Variants in PDCD6IP observed in about 807,000 individuals in gnomAD.
PDCD6IP encodes programmed cell death 6-interacting protein.
A neutral mutation model predicts 103.7 loss-of-function variants in PDCD6IP; 43 were observed. The ratio of observed to expected loss-of-function variants is 0.41; its 90% CI spans 0.32 to 0.53. The LOEUF (loss-of-function observed/expected upper bound fraction) is 0.53. Ranked by LOEUF, PDCD6IP falls within the 20% of genes least tolerant of loss-of-function variation. The pLI, the probability that PDCD6IP is intolerant of heterozygous loss-of-function variation, is 0.16. For missense variants in PDCD6IP, 871 were observed against 1,036.7 expected (o/e 0.84, Z 2.20); for synonymous variants, 354 against 378.7 (o/e 0.93, Z 0.76).
intron 6 of PDCD6IP, chr3:33,827,269 AAT>A (rs1697148009): frequency 5.6e-6 from 5 of 891,514 alleles, no homozygotes; most frequent in Non-Finnish European, 6.7e-6. Context: ...GATTGAGTGA[AAT>A]ATATGTTTCA....
chr3:33,799,123 A>G, intron 1 of PDCD6IP, 186 bp downstream of exon 1: 1 of 621,054 alleles, frequency 1.6e-6, no homozygotes, highest in Non-Finnish European at 2.8e-6. Flanking sequence ...GCCCGCTGTG[A>G]CTGCCCGCTT....
intron 15 of PDCD6IP, among the ~76,000 whole-genome samples, chr3:33,861,944 G>A (rs59197734): frequency 0.022 from 3,293 of 152,034 alleles, 104 homozygotes; most frequent in African/African-American, 0.074. Context: ...CAGGTTGTTG[G>A]GCATAGTACT....
At chr3:33,846,633 G>A (rs1048269549) in intron 12 of PDCD6IP, among the ~76,000 whole-genome samples, 4 of 152,186 alleles carry the variant, frequency 2.6e-5, no homozygotes, top group African/African-American at 9.7e-5. Context: ...GAGTGGATAG[G>A]CAGAAAAAGT....
intron 3 of PDCD6IP, 87 bp downstream of exon 3, chr3:33,813,715 T>G: frequency 1.3e-6 from 1 of 752,150 alleles, no homozygotes; most frequent in Non-Finnish European, 2.3e-6. Flanking sequence ...TCCTAATGAC[T>G]CTTTGTAAAT....
chr3:33,835,545 G>A (rs1000150528), intron 7 of PDCD6IP, among the ~76,000 whole-genome samples: 11 of 152,202 alleles, frequency 7.2e-5, no homozygotes, highest in Admixed American at 1.3e-4. Flanking sequence ...GATGAAACCC[G>A]ATGTCTACCA....
intron 10 of PDCD6IP, 156 bp from the exon 11 acceptor site, chr3:33,843,956 C>T (rs1353672028): frequency 2.4e-6 from 1 of 421,192 alleles, no homozygotes; most frequent in African/African-American, 2.2e-5. Context: ...TGCATTATAA[C>T]TTAGATGTCT....
At chr3:33,801,928 C>G (rs1212642175) in intron 1 of PDCD6IP, among the ~76,000 whole-genome samples, 1 of 152,168 alleles carries the variant, frequency 6.6e-6, no homozygotes, top group East Asian at 1.9e-4. Context: ...GGTTGGGGAT[C>G]TTAACAATCA....
intron 3 of PDCD6IP, among the ~76,000 whole-genome samples, chr3:33,819,829 T>C (rs1395511366): frequency 6.6e-6 from 1 of 152,252 alleles, no homozygotes; most frequent in Non-Finnish European, 1.5e-5. Flanking sequence ...TGTAGATTCT[T>C]TTTTAAAAGT....
chr3:33,857,698 AATAG>A (rs1432832595), intron 15 of PDCD6IP, among the ~76,000 whole-genome samples: 1 of 152,220 alleles, frequency 6.6e-6, no homozygotes, highest in African/African-American at 2.4e-5. Context: ...GGTTTGTCTT[AATAG>A]ATGAGGCAGA....
intron 7 of PDCD6IP, among the ~76,000 whole-genome samples, chr3:33,835,681 G>C (rs981340788): frequency 1.3e-5 from 2 of 152,054 alleles, no homozygotes; most frequent in African/African-American, 4.8e-5. Flanking sequence ...TCGCGCCACT[G>C]TGCTCCAGCC....
chr3:33,836,392 T>C (rs988024876), intron 8 of PDCD6IP, 126 bp downstream of exon 8: 2 of 617,912 alleles, frequency 3.2e-6, no homozygotes, highest in Non-Finnish European at 5.8e-6. Context: ...TTGTTTAAAA[T>C]GAATATGAGA....
rs1698063298 is a variant in PDCD6IP at position 33,866,326 on chromosome 3, A to G, written c.2433-25A>G. On this transcript the variant is annotated intron_variant, in intron 17 of 17. Coordinates refer to ENST00000307296, the MANE Select transcript of PDCD6IP (RefSeq NM_013374.6). ...TTTTTAGTATTTGATTTACCAATCAAGATTTTTCTGTTTTCTTCTATCAGG... is the reference window on the plus strand; with the variant it reads ...TTTTTAGTATTTGATTTACCAATCAGGATTTTTCTGTTTTCTTCTATCAGG... 7.2e-7 allele frequency: 1 copy of G among 1,388,154 alleles called. No homozygotes were observed. 86.0% of individuals were successfully genotyped at this position (1,388,154 alleles called of 1,614,324 possible). A position where few individuals can be genotyped will look rare whatever the true frequency, so the allele number is the denominator to read the frequency against.
chr3:33,799,376 T>A (rs149748778), intron 1 of PDCD6IP: 1 of 159,438 alleles, frequency 6.3e-6, no homozygotes, highest in Non-Finnish European at 1.4e-5. Flanking sequence ...AGTGGGGGAA[T>A]TGGGACACTG....
chr3:33,798,998 C>T (rs928670188), intron 1 of PDCD6IP, 61 bp downstream of exon 1: 3 of 1,370,054 alleles, frequency 2.2e-6, no homozygotes, highest in East Asian at 2.5e-5. Context: ...GCTCCTCTTC[C>T]CGTCTCCCCC....
rs1404044171 is a variant in PDCD6IP at position 33,869,485 on chromosome 3, GAA to G, written c.*2962_*2963del. The G allele has an allele frequency of 2.0e-5, 3 of 152,112 alleles. No homozygotes were observed. The highest frequency in any genetic ancestry group is 2.1e-4 in the South Asian group (1 of 4,830). The allele number at this position is 152,112 out of a possible 1,614,324, so 9.4% of individuals were successfully genotyped here. Reference sequence around the variant, plus strand: ...AAGAAGGAAAAATTATATTTTTAAAGAAAGAGAATATTCAGGCTTTATTTCTG... The same window carrying G: ...AAGAAGGAAAAATTATATTTTTAAAGAGAGAATATTCAGGCTTTATTTCTG... On this transcript the variant is annotated 3_prime_UTR_variant, in exon 18 of 18. Transcript: ENST00000307296.
rs573919588 is a variant in PDCD6IP, at chr3:33,848,307, G to A, written c.1641+2719G>A. On this transcript the variant is annotated intron_variant, in intron 12 of 17. Coordinates refer to ENST00000307296, the MANE Select transcript of PDCD6IP (RefSeq NM_013374.6). ...TAGGGTAAATGTATCAAGTTTCTGC[G>A]TTCGTTGCTGTAGACATAGTTGCTT... is the stretch of plus-strand genomic sequence containing the variant. Among the ~76,000 whole-genome samples the A allele has an allele frequency of 2.1e-3, 317 of 152,174 alleles. 3 individuals are homozygous for A. The highest frequency in any genetic ancestry group is 7.1e-3 in the African/African-American group (294 of 41,534).
intron 12 of PDCD6IP, 68 bp downstream of exon 12, chr3:33,845,656 A>G (rs1697577054): frequency 8.5e-7 from 1 of 1,181,786 alleles, no homozygotes; most frequent in Non-Finnish European, 1.2e-6. Flanking sequence ...ATTTTATATA[A>G]TGAACTGCCA....
At chr3:33,862,123 T>C (rs1460104512) in intron 15 of PDCD6IP, among the ~76,000 whole-genome samples, 3 of 152,204 alleles carry the variant, frequency 2.0e-5, no homozygotes, top group Non-Finnish European at 4.4e-5. Context: ...GGTATTGTGT[T>C]AAAGCTTTAT....
At chr3:33,857,768 T>C (rs1049542590) in intron 15 of PDCD6IP, among the ~76,000 whole-genome samples, 2 of 152,150 alleles carry the variant, frequency 1.3e-5, no homozygotes, top group African/African-American at 4.8e-5. Context: ...AGATAGAAGA[T>C]AGATGCTTCC....
Sources: gnomAD v4.1 joint callset for allele counts (sites outside exome capture counted in the v4.1 genomes callset) on GRCh38, gnomAD v4.1.1 for gene constraint, MANE v1.5 for transcripts, NCBI Gene and HGNC (gene_info 2026-07-23, HGNC 2026-07-21) for gene names.